SLC13A5: variants seen among roughly 807,000 people sequenced by gnomAD.
SLC13A5 encodes Na(+)/citrate cotransporter.
SLC13A5 carries 25 observed loss-of-function variants against 56.5 expected under a neutral mutation model. The observed-to-expected ratio is 0.44, with a 90% CI of 0.32 to 0.62. The LOEUF (loss-of-function observed/expected upper bound fraction) is 0.62, where lower values mean the gene tolerates loss of function less well. Among genes scored for constraint, SLC13A5 ranks in the 20% least tolerant of loss-of-function variants. The pLI, the probability that SLC13A5 is intolerant of heterozygous loss-of-function variation, is 0.04. For missense variants in SLC13A5, 649 were observed against 737.8 expected, an observed-to-expected ratio of 0.88 and a Z score of 1.39; for synonymous variants, 307 against 301.5, an observed-to-expected ratio of 1.02 and a Z score of -0.19.
chr17:6,690,907 T>C lies in SLC13A5; in HGVS notation c.1309A>G (p.Met437Val). ...SGLSVWMGKQ[M>V]EPLHAVPPAA... Reference sequence around the variant, plus strand: ...GGGGGCACTGCGTGCAAGGGCTCCATCTGCTTCCCCATCCACACGGACAGC... The same window carrying C: ...GGGGGCACTGCGTGCAAGGGCTCCACCTGCTTCCCCATCCACACGGACAGC... Residue 437 changes from methionine to valine, a missense_variant, in exon 10 of 12, where the codon ATG (methionine) becomes GTG (valine). Coordinates refer to ENST00000433363, the MANE Select transcript of SLC13A5 (RefSeq NM_177550.5). 1.9e-6 allele frequency: 3 copies of C among 1,613,412 alleles called. No individual in the cohort carries two copies. The highest frequency in any genetic ancestry group is 2.2e-5 in the East Asian group (1 of 44,860).
At position 6,685,896 on chromosome 17, in the gene SLC13A5, T is replaced by C; in HGVS notation, c.*311A>G. The C allele has an allele frequency of 2.8e-6, 1 of 361,642 alleles. No individual in the cohort carries two copies. The allele number at this position is 361,642 out of a possible 1,614,324, so 22.4% of individuals were successfully genotyped here. On this transcript the variant is annotated 3_prime_UTR_variant, in exon 12 of 12. Transcript: ENST00000433363. The surrounding 1 kb of genome is among the most constrained non-coding windows in gnomAD (Gnocchi z 4.2). ...TGGGGGATGCTTGAGGCAGAGCGGG[T>C]ACAGCAGCCTGCATCCTGATCCCTC...
intron 4 of SLC13A5, 139 bp from the exon 5 acceptor site, chr17:6,703,277 G>C: frequency 9.2e-7 from 1 of 1,081,794 alleles, no homozygotes; most frequent in Non-Finnish European, 1.3e-6. Flanking sequence ...CTCCATAAGA[G>C]TTGCTGGCAG....
Position 6,703,429 on chromosome 17 carries a change from C to T in SLC13A5, c.548-291G>A, listed in dbSNP as rs9906062. Among the ~76,000 whole-genome samples, 28,692 of 152,212 alleles carry T rather than the reference C, an allele frequency of 0.19. 3,025 individuals carry two copies. The highest frequency in any genetic ancestry group is 0.44 in the East Asian group (2,282 of 5,150). ...GCAGACGGCAAGGTAGATGCTGACT[C>T]GTCTTCCCTGAGCTTCGCACCTAGC... is the stretch of plus-strand genomic sequence containing the variant. On this transcript the variant is annotated intron_variant, in intron 4 of 11. Coordinates refer to ENST00000433363, the MANE Select transcript of SLC13A5 (RefSeq NM_177550.5).
chr17:6,699,064 TAAATAAATAAATAAATAAATAAATA>T (rs1165905235), intron 6 of SLC13A5, among the ~76,000 whole-genome samples: 22 of 135,472 alleles, frequency 1.6e-4, no homozygotes, highest in African/African-American at 6.1e-4. Flanking sequence ...AATAAATAAA[TAAATAAATAAATAAATAAATAAATA>T]AAATAAAATA....
At chr17:6,700,500 C>T (rs148902289) in intron 6 of SLC13A5, among the ~76,000 whole-genome samples, 80 of 152,340 alleles carry the variant, frequency 5.3e-4, no homozygotes, top group African/African-American at 1.7e-3. Flanking sequence ...TGGACCCACA[C>T]GGCAAAGAGG....
At chr17:6,699,393 C>T (rs985303276) in intron 6 of SLC13A5, among the ~76,000 whole-genome samples, 71 of 152,270 alleles carry the variant, frequency 4.7e-4, no homozygotes, top group Admixed American at 4.4e-3. Flanking sequence ...ATGGGCAGGA[C>T]AGAGTGGGGT....
intron 3 of SLC13A5, among the ~76,000 whole-genome samples, chr17:6,706,355 T>C (rs1163698824): frequency 6.6e-6 from 1 of 152,196 alleles, no homozygotes; most frequent in Non-Finnish European, 1.5e-5. Flanking sequence ...GGTGGAACCC[T>C]GCAGCTAGCT....
At chr17:6,707,725 C>A (rs1254214981) in intron 1 of SLC13A5, among the ~76,000 whole-genome samples, 1 of 152,088 alleles carries the variant, frequency 6.6e-6, no homozygotes, top group Non-Finnish European at 1.5e-5. Context: ...AGTGCATGTT[C>A]TCCCTTATAA....
chr17:6,701,237 G>C lies in SLC13A5; in HGVS notation c.717-111C>G. ...GCCCTGAGAGGCGCGCCTGTGTGGA[G>C]GCCACATCCTCCTGAGGTCTAGCCA... On this transcript the variant is annotated intron_variant, in intron 5 of 11. Coordinates refer to ENST00000433363, the MANE Select transcript of SLC13A5 (RefSeq NM_177550.5). The surrounding 1 kb of genome is among the most constrained non-coding windows in gnomAD (Gnocchi z 4.1). The C allele has an allele frequency of 1.4e-6, 2 of 1,455,952 alleles. No individual in the cohort carries two copies. Among genetic ancestry groups the C allele is most frequent in the Non-Finnish European group, 1.9e-6 (2 of 1,077,152 alleles). The allele number at this position is 1,455,952 out of a possible 1,614,324, so 90.2% of individuals were successfully genotyped here.
rs1973292571 is a variant in SLC13A5 at position 6,687,863 on chromosome 17, G to T, written c.1438-197C>A. The T allele has an allele frequency of 2.1e-5, 12 of 558,432 alleles. No homozygotes were observed. In the South Asian group the frequency reaches 3.3e-4, roughly 15 times the overall value. The allele number at this position is 558,432 out of a possible 1,614,324, so 34.6% of individuals were successfully genotyped here. A position where few individuals can be genotyped will look rare whatever the true frequency, so the allele number is the denominator to read the frequency against. On this transcript the variant is annotated intron_variant, in intron 10 of 11. Transcript: ENST00000433363. This position sits in a 1 kb window ranked among gnomAD's most constrained non-coding sequence, Gnocchi z 5.0. The stretch of plus-strand genomic sequence containing the variant: ...TGAAGGCTGAGGTCAGAGGCCACCT[G>T]CCCTAGAAGGCCTTACCCCCTCAAT...
At chr17:6,695,039 G>A (rs1490850882) in intron 7 of SLC13A5, among the ~76,000 whole-genome samples, 1 of 152,182 alleles carries the variant, frequency 6.6e-6, no homozygotes, top group Non-Finnish European at 1.5e-5. Flanking sequence ...CAGATGTGAA[G>A]ATGAGAAAGG....
At chr17:6,703,487 C>T (rs186241504) in intron 4 of SLC13A5, among the ~76,000 whole-genome samples, 3 of 152,274 alleles carry the variant, frequency 2.0e-5, no homozygotes, top group African/African-American at 4.8e-5. Flanking sequence ...AAGCCCCAGA[C>T]CTATGGGAGC....
chr17:6,698,134 CA>C (rs926414908), intron 6 of SLC13A5, among the ~76,000 whole-genome samples: 3 of 152,178 alleles, frequency 2.0e-5, no homozygotes, highest in Admixed American at 2.0e-4. Context: ...GATCTGGAGC[CA>C]AAACAAAGCT....
At chr17:6,700,927 C>A in intron 6 of SLC13A5, 77 bp downstream of exon 6, 1 of 1,594,274 alleles carries the variant, frequency 6.3e-7, no homozygotes. Flanking sequence ...TGTAAACCTG[C>A]CTATTGAGTC....
rs143504660 is a variant in SLC13A5, at chr17:6,695,899, G to A, written c.882C>T (p.Asn294=). The change falls in exon 7 of 12, where the codon AAC becomes AAT. Residue 294 remains asparagine (N), a synonymous_variant. Coordinates refer to ENST00000433363, the MANE Select transcript of SLC13A5 (RefSeq NM_177550.5). ...SWGCGLESKK[N]EKAALKVLQE... is the part of the protein sequence containing the mutation. ...GCAGCACCTTGAGGGCAGCCTTCTC[G>A]TTTTTCTTGCTCTCTAGCCCGCAGC... 66 of 1,613,956 alleles carry A rather than the reference G, an allele frequency of 4.1e-5. No individual in the cohort carries two copies. Among genetic ancestry groups the A allele is most frequent in the African/African-American group, 3.1e-4 (23 of 74,916 alleles).
intron 6 of SLC13A5, among the ~76,000 whole-genome samples, chr17:6,696,212 G>C (rs934742482): frequency 2.0e-5 from 3 of 152,164 alleles, no homozygotes; most frequent in African/African-American, 7.2e-5. Context: ...AGGGTCACCT[G>C]GGGGAAGGCC....
intron 8 of SLC13A5, 100 bp from the exon 9 acceptor site, chr17:6,693,262 A>C: frequency 1.3e-6 from 1 of 768,880 alleles, no homozygotes; most frequent in East Asian, 2.8e-5. Context: ...AAGAAATCTA[A>C]TCAAGGGGGA....
At chr17:6,688,240 C>T (rs1225234437) in intron 10 of SLC13A5, 2 of 152,222 alleles carry the variant, frequency 1.3e-5, no homozygotes, top group Non-Finnish European at 2.9e-5. Context: ...TCAAATCAAT[C>T]ATGTATCATG....
At chr17:6,704,948 C>T (rs1973824917) in intron 3 of SLC13A5, 1 of 152,436 alleles carries the variant, frequency 6.6e-6, no homozygotes, top group South Asian at 2.1e-4. Flanking sequence ...CCTGACTCTG[C>T]TCTGTGGCTC....
Sources: allele counts gnomAD v4.1 joint callset (sites outside exome capture counted in the v4.1 genomes callset), GRCh38; gene constraint gnomAD v4.1.1; non-coding constraint Gnocchi (gnomAD v3.1); transcripts MANE v1.5; gene names NCBI Gene and HGNC (gene_info 2026-07-23, HGNC 2026-07-21).